Variants in PHACTR1 observed in about 807,000 individuals in gnomAD.
The protein encoded by PHACTR1 is RPEL repeat containing 1.
A neutral mutation model predicts 69.2 loss-of-function variants in PHACTR1; 16 were observed. That is an observed-to-expected ratio of 0.23 (90% CI 0.16 to 0.35). The LOEUF (loss-of-function observed/expected upper bound fraction) is 0.35. Among genes scored for constraint, PHACTR1 ranks in the 10% least tolerant of loss-of-function variants. PHACTR1 has a pLI of 1.00. For synonymous variants in PHACTR1, 312 were observed against 284.5 expected (o/e 1.10, Z -0.97); for missense variants, 510 against 734.7 (o/e 0.69, Z 3.54).
At chr6:12,845,951 C>T (rs1433365451) in intron 4 of PHACTR1, among the ~76,000 whole-genome samples, 1 of 152,152 alleles carries the variant, frequency 6.6e-6, no homozygotes, top group African/African-American at 2.4e-5. Flanking sequence ...GCATCTCTTC[C>T]CTGCCAATTC....
At chr6:13,235,793 C>T (rs1264982274) in intron 10 of PHACTR1, among the ~76,000 whole-genome samples, 1 of 152,214 alleles carries the variant, frequency 6.6e-6, no homozygotes. Flanking sequence ...TGGGACCTCA[C>T]CTAGGGAACG....
At chr6:12,973,120 C>A (rs1794435753) in intron 4 of PHACTR1, among the ~76,000 whole-genome samples, 1 of 152,094 alleles carries the variant, frequency 6.6e-6, no homozygotes. Flanking sequence ...AGTCCTTCTG[C>A]CATGTAAGGT....
At chr6:13,141,312 A>G (rs1822400228) in intron 5 of PHACTR1, among the ~76,000 whole-genome samples, 4 of 152,158 alleles carry the variant, frequency 2.6e-5, no homozygotes, top group Admixed American at 2.6e-4. Context: ...CAGTCTCTAG[A>G]ACTAAGAAAT....
chr6:12,978,380 C>G (rs978448591), intron 4 of PHACTR1, among the ~76,000 whole-genome samples: 2 of 152,306 alleles, frequency 1.3e-5, no homozygotes, highest in Admixed American at 6.5e-5. Context: ...TCTTGCCAGG[C>G]TCTCAGGACC....
At chr6:13,263,794 A>G (rs202064) in intron 10 of PHACTR1, among the ~76,000 whole-genome samples, 133,543 of 152,198 alleles carry the variant, frequency 0.88, 59,284 homozygotes, top group African/African-American at 0.93. Context: ...TTCAGGAGGC[A>G]TCTTGACTTT....
intron 4 of PHACTR1, among the ~76,000 whole-genome samples, chr6:12,912,649 G>C (rs1171337297): frequency 6.6e-6 from 1 of 152,158 alleles, no homozygotes; most frequent in South Asian, 2.1e-4. Flanking sequence ...AAGAAATGAA[G>C]GTTCTAAAAA....
In PHACTR1 at chr6:13,201,073, C is replaced by T. The variant is rs148720304; in HGVS notation, c.665-4742C>T. Among the ~76,000 whole-genome samples, 1,442 of 152,270 alleles carry T rather than the reference C, an allele frequency of 9.5e-3. 24 individuals are homozygous for T. The highest frequency in any genetic ancestry group is 0.033 in the African/African-American group (1,375 of 41,536). On this transcript the variant is annotated intron_variant, in intron 7 of 14. Transcript: ENST00000332995. ...CACCCCCAGTCCTGGTCCTGAGGACCACAGGGCAGTGAGCACGTTCCATCA... is the reference window on the plus strand; with the variant it reads ...CACCCCCAGTCCTGGTCCTGAGGACTACAGGGCAGTGAGCACGTTCCATCA...
chr6:12,918,268 A>T (rs535400529), intron 4 of PHACTR1, among the ~76,000 whole-genome samples: 1 of 22,434 alleles, frequency 4.5e-5, no homozygotes, highest in East Asian at 1.6e-3. Context: ...CTCCTCATCT[A>T]GGAATCATCA....
At chr6:13,003,030 G>A (rs1798278063) in intron 4 of PHACTR1, among the ~76,000 whole-genome samples, 1 of 152,076 alleles carries the variant, frequency 6.6e-6, no homozygotes, top group African/African-American at 2.4e-5. Flanking sequence ...TTTAAGAAAT[G>A]GACAGATTTG....
At chr6:13,009,250 C>G (rs1799175951) in intron 4 of PHACTR1, among the ~76,000 whole-genome samples, 1 of 152,146 alleles carries the variant, frequency 6.6e-6, no homozygotes, top group Non-Finnish European at 1.5e-5. Flanking sequence ...TAAGGTCACA[C>G]TCACATGTTC....
chr6:13,097,298 A>G (rs1197224075), intron 5 of PHACTR1, among the ~76,000 whole-genome samples: 1 of 152,250 alleles, frequency 6.6e-6, no homozygotes, highest in South Asian at 2.1e-4. Flanking sequence ...TCTTAAAAAA[A>G]CATTATTCTT....
intron 4 of PHACTR1, among the ~76,000 whole-genome samples, chr6:12,854,127 C>T (rs570171265): frequency 6.6e-6 from 1 of 152,132 alleles, no homozygotes. Flanking sequence ...CCATGAAAAA[C>T]CTTCAATGTC....
intron 6 of PHACTR1, among the ~76,000 whole-genome samples, chr6:13,166,824 C>T (rs936796788): frequency 1.3e-5 from 2 of 152,156 alleles, no homozygotes; most frequent in Admixed American, 6.5e-5. Context: ...CCATAGTCAG[C>T]CCTGTGAAAC....
chr6:12,935,838 G>T (rs1026792524), intron 4 of PHACTR1, among the ~76,000 whole-genome samples: 1 of 151,978 alleles, frequency 6.6e-6, no homozygotes, highest in African/African-American at 2.4e-5. Context: ...CCCTTCACTC[G>T]TGGGAGCTGT....
intron 4 of PHACTR1, among the ~76,000 whole-genome samples, chr6:12,983,957 T>C (rs1582826137): frequency 6.6e-6 from 1 of 152,180 alleles, no homozygotes; most frequent in South Asian, 2.1e-4. Flanking sequence ...TGATGGACAT[T>C]TGAGTTGGTT....
At chr6:12,883,590 C>T (rs1055463587) in intron 4 of PHACTR1, among the ~76,000 whole-genome samples, 21 of 151,676 alleles carry the variant, frequency 1.4e-4, no homozygotes, top group African/African-American at 5.1e-4. Context: ...AATACCCCAA[C>T]TCCAGGCCCC....
chr6:13,264,370 C>T (rs1776317948), intron 10 of PHACTR1, among the ~76,000 whole-genome samples: 1 of 152,154 alleles, frequency 6.6e-6, no homozygotes, highest in Admixed American at 6.5e-5. Flanking sequence ...CTCCACCCCC[C>T]ACCATCTAAT....
chr6:13,003,598 T>A (rs1194766067), intron 4 of PHACTR1, among the ~76,000 whole-genome samples: 1 of 152,126 alleles, frequency 6.6e-6, no homozygotes, highest in Non-Finnish European at 1.5e-5. Flanking sequence ...AAAAATTTTT[T>A]AATAGATTTA....
At chr6:13,162,899 C>T (rs573416081) in intron 6 of PHACTR1, among the ~76,000 whole-genome samples, 1 of 152,270 alleles carries the variant, frequency 6.6e-6, no homozygotes, top group South Asian at 2.1e-4. Flanking sequence ...CTCTGTCACA[C>T]TTGCTTCTTT....
Sources: allele counts gnomAD v4.1 joint callset (sites outside exome capture counted in the v4.1 genomes callset), GRCh38; gene constraint gnomAD v4.1.1; transcripts MANE v1.5; gene names NCBI Gene and HGNC (gene_info 2026-07-23, HGNC 2026-07-21).